Variants in CCDC112 observed in about 807,000 individuals in gnomAD.
CCDC112 encodes coiled-coil domain-containing protein 112.
A neutral mutation model predicts 66.3 loss-of-function variants in CCDC112; 40 were observed. The observed-to-expected ratio is 0.60, with a 90% CI of 0.47 to 0.79. The LOEUF is 0.79. CCDC112 is among the 30% of genes least tolerant of loss of function. CCDC112 has a pLI of 0.00. For missense variants in CCDC112, 659 were observed against 603.8 expected (o/e 1.09, Z -0.96); for synonymous variants, 214 against 197.2 (o/e 1.09, Z -0.71).
intron 2 of CCDC112, among the ~76,000 whole-genome samples, chr5:115,282,312 C>G (rs772968920): frequency 2.6e-4 from 40 of 152,190 alleles, no homozygotes; most frequent in Admixed American, 2.3e-3. Flanking sequence ...TTATCTCACC[C>G]TGATTCAGCA....
intron 2 of CCDC112, among the ~76,000 whole-genome samples, chr5:115,281,025 A>AT (rs61604275): frequency 0.025 from 3,543 of 140,306 alleles, 99 homozygotes; most frequent in African/African-American, 0.067. Context: ...TACATAGAGA[A>AT]TTTTTTTTTT....
At chr5:115,293,846 T>A (rs567972175) in intron 1 of CCDC112, among the ~76,000 whole-genome samples, 130 of 152,232 alleles carry the variant, frequency 8.5e-4, no homozygotes, top group African/African-American at 2.6e-3. Flanking sequence ...AGAGGGAAGG[T>A]CCTTAGAAAC....
chr5:115,273,176 AAGG>A (rs1580795688), intron 6 of CCDC112, among the ~76,000 whole-genome samples: 1 of 152,186 alleles, frequency 6.6e-6, no homozygotes, highest in South Asian at 2.1e-4. Context: ...TTGGGTGGGC[AAGG>A]AGGAGGCAAC....
Position 115,284,855 on chromosome 5 carries a change from G to T in CCDC112, c.171C>A (p.Asn57Lys). The T allele has an allele frequency of 1.2e-6, 2 of 1,612,374 alleles. No individual in the cohort carries two copies. The highest frequency in any genetic ancestry group is 1.1e-5 in the South Asian group (1 of 90,988). Residue 57 changes from asparagine (N) to lysine (K), a missense_variant, in exon 2 of 10, where the codon AAC becomes AAA. Asn to Lys is a moderately conservative substitution (Grantham distance 94, BLOSUM62 0). Coordinates refer to ENST00000379611, the MANE Select transcript of CCDC112 (RefSeq NM_001040440.3). ...SGGIRPFHLQ[N>K]WKQKVNQTKK... Reference sequence around the variant, plus strand: ...TAGTCTGATTAACTTTCTGCTTCCAGTTCTGAAGATGAAAAGGACGAATTC... The same window carrying T: ...TAGTCTGATTAACTTTCTGCTTCCATTTCTGAAGATGAAAAGGACGAATTC...
At chr5:115,279,918 T>C in intron 2 of CCDC112, 150 bp from the exon 3 acceptor site, 1 of 539,870 alleles carries the variant, frequency 1.9e-6, no homozygotes, top group Non-Finnish European at 3.2e-6. Context: ...GGCTAAGGAA[T>C]CAAAACATTA....
At position 115,296,551 on chromosome 5, in the gene CCDC112, C is replaced by T; in HGVS notation, c.-8G>A. The T allele has an allele frequency of 6.7e-7, 1 of 1,482,156 alleles. No individual in the cohort carries two copies. Among genetic ancestry groups the T allele is most frequent in the Non-Finnish European group, 8.9e-7 (1 of 1,119,234 alleles). 91.8% of individuals were successfully genotyped at this position (1,482,156 alleles called of 1,614,324 possible). A position where few individuals can be genotyped will look rare whatever the true frequency, so the allele number is the denominator to read the frequency against. On this transcript the variant is annotated 5_prime_UTR_variant, in exon 1 of 10. Coordinates refer to ENST00000379611, the MANE Select transcript of CCDC112 (RefSeq NM_001040440.3). ...CGTCGTCAGTGCGGCCATGTTTACC[C>T]GCCGAGCTACTCGGGCCGCGGCGGC...
chr5:115,277,823 C>T (rs941156742), intron 3 of CCDC112, among the ~76,000 whole-genome samples: 19 of 152,176 alleles, frequency 1.2e-4, no homozygotes, highest in East Asian at 3.9e-4. Flanking sequence ...TCAAAATATT[C>T]GCATTCTTAT....
At chr5:115,286,729 T>C (rs561912128) in intron 1 of CCDC112, among the ~76,000 whole-genome samples, 28 of 151,768 alleles carry the variant, frequency 1.8e-4, no homozygotes, top group African/African-American at 5.8e-4. Flanking sequence ...CTGGGAAACA[T>C]AGCAAGATCC....
chr5:115,277,078 T>A, intron 3 of CCDC112, 24 bp from the exon 4 acceptor site: 1 of 1,353,700 alleles, frequency 7.4e-7, no homozygotes, highest in Non-Finnish European at 1.1e-6. Context: ...GTATGCACTT[T>A]AAAATAATTC....
intron 3 of CCDC112, among the ~76,000 whole-genome samples, chr5:115,278,582 CA>C (rs1307939322): frequency 1.3e-5 from 2 of 151,944 alleles, no homozygotes; most frequent in Non-Finnish European, 2.9e-5. Context: ...AAAATTTGCA[CA>C]AAATTTTACT....
intron 9 of CCDC112, 89 bp downstream of exon 9, chr5:115,268,793 A>G: frequency 2.0e-6 from 1 of 507,410 alleles, no homozygotes; most frequent in Non-Finnish European, 3.3e-6. Flanking sequence ...ATATATATGA[A>G]AAATATAATT....
In CCDC112 at chr5:115,295,968, C is replaced by T. The variant is rs75623397; in HGVS notation, c.117+459G>A. The T allele has an allele frequency of 4.3e-3, 4,237 of 986,652 alleles. 96 individuals carry two copies. In the African/African-American group the frequency reaches 0.06, roughly 14 times the overall value. The allele number at this position is 986,652 out of a possible 1,614,324, so 61.1% of individuals were successfully genotyped here. ...CGATCACTGGAAACACCTCTGCCTCCGACCATCCCATATTGTCTTTCTCCT... is the reference window on the plus strand; with the variant it reads ...CGATCACTGGAAACACCTCTGCCTCTGACCATCCCATATTGTCTTTCTCCT... On this transcript the variant is annotated intron_variant, in intron 1 of 9. Transcript: ENST00000379611.
At chr5:115,281,878 T>C (rs1580802918) in intron 2 of CCDC112, among the ~76,000 whole-genome samples, 1 of 152,190 alleles carries the variant, frequency 6.6e-6, no homozygotes, top group African/African-American at 2.4e-5. Flanking sequence ...GACAAAACTG[T>C]GAGGAAAACA....
chr5:115,293,274 T>C (rs952878862), intron 1 of CCDC112, among the ~76,000 whole-genome samples: 1 of 152,216 alleles, frequency 6.6e-6, no homozygotes, highest in Non-Finnish European at 1.5e-5. Context: ...AGGTTAACTA[T>C]ACTCAGTAAT....
intron 5 of CCDC112, among the ~76,000 whole-genome samples, 159 bp downstream of exon 5, chr5:115,275,834 GA>G (rs927862247): frequency 3.0e-4 from 45 of 152,052 alleles, no homozygotes; most frequent in African/African-American, 1.1e-3. Flanking sequence ...CTTTAAATAT[GA>G]AAAGCCACCT....
intron 5 of CCDC112, 38 bp downstream of exon 5, chr5:115,275,956 G>A (rs1381562016): frequency 1.6e-5 from 22 of 1,360,974 alleles, no homozygotes; most frequent in Non-Finnish European, 2.0e-5. Flanking sequence ...AAAAAATAAA[G>A]GTCAATAATT....
At chr5:115,270,537 T>A (rs191488769) in intron 7 of CCDC112, among the ~76,000 whole-genome samples, 11 of 152,302 alleles carry the variant, frequency 7.2e-5, no homozygotes, top group Non-Finnish European at 1.2e-4. Flanking sequence ...TTTAAGAAGA[T>A]AAGTTTCTAC....
rs766261309 is a variant in CCDC112, at chr5:115,275,232, T to G, written c.902A>C (p.Glu301Ala). 6.2e-7 allele frequency: 1 copy of G among 1,609,036 alleles called. No individual in the cohort carries two copies. Among genetic ancestry groups the G allele is most frequent in the African/African-American group, 1.3e-5 (1 of 74,420 alleles). Residue 301 changes from glutamate (E) to alanine (A), a missense_variant, in exon 6 of 10, where the codon GAA becomes GCA. Glu to Ala is a moderately radical substitution (Grantham distance 107). Coordinates refer to ENST00000379611, the MANE Select transcript of CCDC112 (RefSeq NM_001040440.3). ...AATTATTACCTCTTTTTTTCTTTCTTCTAGAGCCAGAAACTTTTGATACCA... is the reference window on the plus strand; with the variant it reads ...AATTATTACCTCTTTTTTTCTTTCTGCTAGAGCCAGAAACTTTTGATACCA... ...EKWYQKFLAL[E>A]ERKKESIQIW...
At chr5:115,295,200 C>T (rs777629726) in intron 1 of CCDC112, among the ~76,000 whole-genome samples, 57 of 152,048 alleles carry the variant, frequency 3.7e-4, no homozygotes, top group Admixed American at 7.9e-4. Context: ...CTGATCCAAC[C>T]CCTGAGAAGG....
Sources: allele counts gnomAD v4.1 joint callset (sites outside exome capture counted in the v4.1 genomes callset), GRCh38; gene constraint gnomAD v4.1.1; transcripts MANE v1.5; gene names NCBI Gene and HGNC (gene_info 2026-07-23, HGNC 2026-07-21).